TC2N: variants seen among roughly 807,000 people sequenced by gnomAD.
The protein encoded by TC2N is tandem C2 domains, nuclear, also known as tandem C2 domains nuclear protein.
A neutral mutation model predicts 61.9 loss-of-function variants in TC2N; 51 were observed. That is an observed-to-expected ratio of 0.82 (90% CI 0.66 to 1.04). The LOEUF (loss-of-function observed/expected upper bound fraction) is 1.04. Among genes scored for constraint, TC2N ranks in the 50% least tolerant of loss-of-function variants. The pLI is 0.00. For missense variants in TC2N, 556 were observed against 566.7 expected (o/e 0.98, Z 0.19); for synonymous variants, 204 against 192.6 (o/e 1.06, Z -0.49).
At chr14:91,819,389 A>G (rs1048542711) in intron 1 of TC2N, among the ~76,000 whole-genome samples, 2 of 152,242 alleles carry the variant, frequency 1.3e-5, no homozygotes, top group African/African-American at 4.8e-5. Context: ...AAACAAAACA[A>G]AAACAGTAGA....
chr14:91,842,834 G>A (rs1236417749), intron 1 of TC2N, among the ~76,000 whole-genome samples: 1 of 152,180 alleles, frequency 6.6e-6, no homozygotes, highest in East Asian at 1.9e-4. Flanking sequence ...CACAGTCCTA[G>A]TCATATTCCT....
chr14:91,793,235 T>A (rs964800301), intron 8 of TC2N, among the ~76,000 whole-genome samples: 2 of 152,236 alleles, frequency 1.3e-5, no homozygotes, highest in African/African-American at 4.8e-5. Context: ...TATTTTTAAA[T>A]CGTTGGCTTA....
intron 1 of TC2N, among the ~76,000 whole-genome samples, chr14:91,815,706 CCT>C (rs1264401350): frequency 6.6e-5 from 10 of 151,522 alleles, no homozygotes; most frequent in Non-Finnish European, 1.2e-4. Context: ...CCCCATATAC[CCT>C]GTCCTTTGGA....
At position 91,806,807 on chromosome 14, in the gene TC2N, G is replaced by A. The variant is rs1191271862; in HGVS notation, c.302-4386C>T. On this transcript the variant is annotated intron_variant, in intron 3 of 11. Coordinates refer to ENST00000435962, the MANE Select transcript of TC2N (RefSeq NM_001128596.3). ...TGCAGAAATTTGCATAGGTGACAAG[G>A]AGCCAAATGTTAATCATCAAGACAA... Among the ~76,000 whole-genome samples, 6 of 152,290 alleles carry A rather than the reference G, an allele frequency of 3.9e-5. No homozygotes were observed. The East Asian group carries it at 9.6e-4, about 24-fold the overall frequency.
At chr14:91,791,898 C>T (rs929549160) in intron 9 of TC2N, among the ~76,000 whole-genome samples, 3 of 151,998 alleles carry the variant, frequency 2.0e-5, no homozygotes, top group Admixed American at 6.6e-5. Context: ...GGGCAGATCA[C>T]GAGGTCAGGA....
At chr14:91,792,945 T>C (rs974932200) in intron 8 of TC2N, among the ~76,000 whole-genome samples, 1 of 152,218 alleles carries the variant, frequency 6.6e-6, no homozygotes, top group Non-Finnish European at 1.5e-5. Context: ...AAGCACTCTC[T>C]TGTTCATAGT....
chr14:91,805,240 G>C (rs1886454186), intron 3 of TC2N, among the ~76,000 whole-genome samples: 1 of 151,704 alleles, frequency 6.6e-6, no homozygotes, highest in African/African-American at 2.4e-5. Flanking sequence ...TAACAAAAAA[G>C]TTTAAGAAGT....
At chr14:91,847,651 T>C (rs1457788524) in intron 1 of TC2N, among the ~76,000 whole-genome samples, 1 of 152,190 alleles carries the variant, frequency 6.6e-6, no homozygotes, top group African/African-American at 2.4e-5. Context: ...TGGATCCCCC[T>C]GGTCCTGGCT....
At chr14:91,826,467 A>T (rs573157171) in intron 1 of TC2N, among the ~76,000 whole-genome samples, 9 of 152,076 alleles carry the variant, frequency 5.9e-5, no homozygotes, top group African/African-American at 2.2e-4. Context: ...GTTCTATCAG[A>T]TTTGTTTCAT....
intron 3 of TC2N, among the ~76,000 whole-genome samples, chr14:91,805,011 T>C (rs1240121545): frequency 1.3e-5 from 2 of 152,238 alleles, no homozygotes; most frequent in African/African-American, 4.8e-5. Flanking sequence ...AATAATCATG[T>C]TGGGAATAAT....
At chr14:91,799,087 G>A (rs1463811490) in intron 5 of TC2N, 23 bp from the exon 6 acceptor site, 1 of 1,484,582 alleles carries the variant, frequency 6.7e-7, no homozygotes, top group Non-Finnish European at 9.2e-7. Context: ...TTATTCTTTA[G>A]TCAGAAATTG....
intron 1 of TC2N, among the ~76,000 whole-genome samples, chr14:91,838,319 A>T (rs959346431): frequency 2.6e-5 from 4 of 151,712 alleles, no homozygotes; most frequent in South Asian, 2.1e-4. Flanking sequence ...AAATTTTTAA[A>T]TTTTTTTATA....
In TC2N at chr14:91,787,536, C is replaced by A; in HGVS notation, c.1139G>T (p.Ser380Ile). Residue 380 changes from serine to isoleucine, a missense_variant, in exon 10 of 12, where the codon AGC becomes ATC. Ser to Ile is a moderately radical substitution (Grantham distance 142). Transcript: ENST00000435962. ...ACTCAAAGTCAGAGGTGTTGATGAGCTTGGAAGGTACCGTGCCTCAAGAAT... is the reference window on the plus strand; with the variant it reads ...ACTCAAAGTCAGAGGTGTTGATGAGATTGGAAGGTACCGTGCCTCAAGAAT... Reference protein sequence around the residue: ...LQILEARYLPSSSTPLTLSFF... With the variant: ...LQILEARYLPISSTPLTLSFF... 6.2e-7 allele frequency: 1 copy of A among 1,611,836 alleles called. No homozygotes were observed.
intron 8 of TC2N, among the ~76,000 whole-genome samples, chr14:91,793,840 C>T (rs1885776351): frequency 6.6e-6 from 1 of 152,134 alleles, no homozygotes; most frequent in South Asian, 2.1e-4. Context: ...AAGGAACAAA[C>T]GTACATCTCC....
intron 1 of TC2N, among the ~76,000 whole-genome samples, chr14:91,856,139 C>T (rs944685927): frequency 2.0e-5 from 3 of 152,112 alleles, no homozygotes; most frequent in Non-Finnish European, 4.4e-5. Flanking sequence ...AGCACCAGCT[C>T]TTTGGGGTCA....
At position 91,783,061 on chromosome 14, in the gene TC2N, A is replaced by C. The variant is rs371590541; in HGVS notation, c.*39T>G. 1.5e-6 allele frequency: 2 copies of C among 1,309,440 alleles called. No homozygotes were observed. Among genetic ancestry groups the C allele is most frequent in the Admixed American group, 3.5e-5 (2 of 56,982 alleles). 81.1% of individuals were successfully genotyped at this position (1,309,440 alleles called of 1,614,324 possible). Reference sequence around the variant, plus strand: ...AAATTGAAATCATAAGTCTTCTAAAAGAATGTCAAGTTCTTCACCAAATTA... The same window carrying C: ...AAATTGAAATCATAAGTCTTCTAAACGAATGTCAAGTTCTTCACCAAATTA... On this transcript the variant is annotated 3_prime_UTR_variant, in exon 12 of 12. Coordinates refer to ENST00000435962, the MANE Select transcript of TC2N (RefSeq NM_001128596.3).
intron 1 of TC2N, among the ~76,000 whole-genome samples, chr14:91,834,636 T>C (rs1158126036): frequency 6.6e-6 from 1 of 152,196 alleles, no homozygotes; most frequent in African/African-American, 2.4e-5. Context: ...ACTTAAATTA[T>C]GTCTGCTGAG....
chr14:91,858,575 T>C (rs1888530559), intron 1 of TC2N, among the ~76,000 whole-genome samples: 1 of 152,208 alleles, frequency 6.6e-6, no homozygotes, highest in Non-Finnish European at 1.5e-5. Flanking sequence ...ACTGAGAACA[T>C]TTATTTTCCT....
chr14:91,829,789 C>T (rs927427111), intron 1 of TC2N, among the ~76,000 whole-genome samples: 4 of 152,238 alleles, frequency 2.6e-5, no homozygotes, highest in African/African-American at 9.6e-5. Flanking sequence ...ACTGGTAGAA[C>T]TTTTTAAGCT....
Sources: allele counts gnomAD v4.1 joint callset (sites outside exome capture counted in the v4.1 genomes callset), GRCh38; gene constraint gnomAD v4.1.1; transcripts MANE v1.5; gene names NCBI Gene and HGNC (gene_info 2026-07-23, HGNC 2026-07-21).